The following IGFBP7 variants were observed in gnomAD, a reference collection of about 807,000 sequenced individuals.
The protein encoded by IGFBP7 is insulin-like growth factor-binding protein 7.
In IGFBP7, 31 loss-of-function variants were observed where a neutral mutation model predicts 29.4. That is an observed-to-expected ratio of 1.05 (90% CI 0.79 to 1.42). IGFBP7 has a LOEUF of 1.42. Among genes scored for constraint, IGFBP7 ranks in the 40% most tolerant of loss-of-function variants. IGFBP7 has a pLI of 0.00. For synonymous variants in IGFBP7, 172 were observed against 174.9 expected (o/e 0.98, Z 0.13); for missense variants, 393 against 395.5 (o/e 0.99, Z 0.05).
At chr4:57,092,601 A>G (rs1414936517) in intron 1 of IGFBP7, among the ~76,000 whole-genome samples, 2 of 151,726 alleles carry the variant, frequency 1.3e-5, no homozygotes, top group African/African-American at 4.8e-5. Context: ...TTTTTAGGAG[A>G]TAATGTGTCT....
At position 57,033,587 on chromosome 4, in the gene IGFBP7, T is replaced by A. The variant is rs186948743; in HGVS notation, c.586-276A>T. 1.9e-3 allele frequency among the ~76,000 whole-genome samples: 287 copies of A among 152,312 alleles called. 1 individual carries two copies. The highest frequency in any genetic ancestry group is 3.6e-3 in the Non-Finnish European group (243 of 68,042). ...CATGGTCATAATTTCCTGCCACTGG[T>A]CACCATCATTCATTCACTCATGCTC... is the stretch of plus-strand genomic sequence containing the variant. On this transcript the variant is annotated intron_variant, in intron 2 of 4. Transcript: ENST00000295666.
rs547266725 is a variant in IGFBP7, at chr4:57,051,942, C to T, written c.476-11009G>A. Among the ~76,000 whole-genome samples the T allele has an allele frequency of 2.6e-4, 40 of 152,210 alleles. 1 individual carries two copies. In the South Asian group the frequency reaches 5.2e-3, roughly 20 times the overall value. On this transcript the variant is annotated intron_variant, in intron 1 of 4. Transcript: ENST00000295666. ...ACCTGCCTGAGGAGAGGCAGGAAAA[C>T]GCTGGCCTGCCTTGAATAGTGAGCA...
At chr4:57,093,417 T>C (rs1046294119) in intron 1 of IGFBP7, among the ~76,000 whole-genome samples, 4 of 151,910 alleles carry the variant, frequency 2.6e-5, no homozygotes, top group African/African-American at 9.7e-5. Flanking sequence ...GGAGAATCGC[T>C]TGAACCTGGG....
At chr4:57,069,973 C>T (rs1725016927) in intron 1 of IGFBP7, among the ~76,000 whole-genome samples, 1 of 152,012 alleles carries the variant, frequency 6.6e-6, no homozygotes, top group African/African-American at 2.4e-5. Flanking sequence ...CCCAGCTACT[C>T]GGGAGGCTGA....
intron 2 of IGFBP7, among the ~76,000 whole-genome samples, chr4:57,035,424 G>A (rs34998461): frequency 0.078 from 11,904 of 152,010 alleles, 560 homozygotes; most frequent in Non-Finnish European, 0.1. Flanking sequence ...TCCCTTATTC[G>A]TGTAAGGGGA....
chr4:57,081,657 C>T (rs967243737), intron 1 of IGFBP7, among the ~76,000 whole-genome samples: 2 of 151,974 alleles, frequency 1.3e-5, no homozygotes, highest in African/African-American at 4.8e-5. Context: ...AGAAGCTGAG[C>T]AAGGACCTTG....
At chr4:57,037,382 GT>G (rs5858408) in intron 2 of IGFBP7, among the ~76,000 whole-genome samples, 3 of 148,822 alleles carry the variant, frequency 2.0e-5, no homozygotes, top group Admixed American at 6.7e-5. Flanking sequence ...GGGTTTTTTG[GT>G]TTTTTTTTTC....
At chr4:57,032,597 C>G (rs747481241) in intron 3 of IGFBP7, 45 bp from the exon 4 acceptor site, 2 of 1,473,328 alleles carry the variant, frequency 1.4e-6, no homozygotes, top group Non-Finnish European at 1.9e-6. Context: ...GTGGTCTTCT[C>G]TTTTGTCAGT....
Position 57,033,165 on chromosome 4 carries a change from C to T in IGFBP7, c.702+30G>A, listed in dbSNP as rs373045955. The T allele has an allele frequency of 1.1e-5, 16 of 1,449,336 alleles. No homozygotes were observed. The African/African-American group carries it at 2.2e-4, about 20-fold the overall frequency. 89.8% of individuals were successfully genotyped at this position (1,449,336 alleles called of 1,614,324 possible). ...CTTATGTCTAATGCTAAGAATGAAA[C>T]TCTTGCCAGCTCTTGGTACTGGTAC... is the stretch of plus-strand genomic sequence containing the variant. On this transcript the variant is annotated intron_variant, in intron 3 of 4. Coordinates refer to ENST00000295666, the MANE Select transcript of IGFBP7 (RefSeq NM_001553.3).
At chr4:57,068,063 C>G (rs761834684) in intron 1 of IGFBP7, among the ~76,000 whole-genome samples, 1 of 152,184 alleles carries the variant, frequency 6.6e-6, no homozygotes, top group South Asian at 2.1e-4. Flanking sequence ...AGTGGTGGCT[C>G]ATGCCGTAGT....
At chr4:57,081,203 G>A (rs1157566818) in intron 1 of IGFBP7, among the ~76,000 whole-genome samples, 2 of 152,082 alleles carry the variant, frequency 1.3e-5, no homozygotes, top group Non-Finnish European at 2.9e-5. Flanking sequence ...TGATCCTAAT[G>A]TTAGTTTTAA....
At chr4:57,068,286 A>C (rs1311798984) in intron 1 of IGFBP7, among the ~76,000 whole-genome samples, 2 of 130,840 alleles carry the variant, frequency 1.5e-5, no homozygotes, top group Non-Finnish European at 3.2e-5. Context: ...ACCCTGTCTC[A>C]AAAAAAAAAA....
intron 1 of IGFBP7, among the ~76,000 whole-genome samples, chr4:57,043,547 C>G (rs1231231249): frequency 2.0e-5 from 3 of 152,172 alleles, no homozygotes; most frequent in Non-Finnish European, 4.4e-5. Flanking sequence ...CCCCAGTGTG[C>G]AAGATTTTCC....
In IGFBP7 at chr4:57,042,905, T is replaced by C. The variant is rs567257321; in HGVS notation, c.476-1972A>G. On this transcript the variant is annotated intron_variant, in intron 1 of 4. Coordinates refer to ENST00000295666, the MANE Select transcript of IGFBP7 (RefSeq NM_001553.3). ...AGACTGATGCCTAAATAAGACATTA[T>C]GGGAAAGTCTCAGGACTTCAATCCT... Among the ~76,000 whole-genome samples the C allele has an allele frequency of 1.7e-4, 26 of 152,336 alleles. 1 individual carries two copies. In the South Asian group the frequency reaches 5.4e-3, roughly 32 times the overall value.
chr4:57,049,512 A>G (rs757542854), intron 1 of IGFBP7, among the ~76,000 whole-genome samples: 1 of 152,008 alleles, frequency 6.6e-6, no homozygotes, highest in Non-Finnish European at 1.5e-5. Flanking sequence ...GCCCTTACCT[A>G]CTTGGAATAT....
intron 2 of IGFBP7, 28 bp from the exon 3 acceptor site, chr4:57,033,339 G>C: frequency 6.9e-7 from 1 of 1,450,018 alleles, no homozygotes; most frequent in Non-Finnish European, 9.7e-7. Flanking sequence ...GAGTAATACT[G>C]AGTTTTGTAC....
chr4:57,037,959 T>C (rs1181871976), intron 2 of IGFBP7, among the ~76,000 whole-genome samples: 1 of 152,206 alleles, frequency 6.6e-6, no homozygotes, highest in Non-Finnish European at 1.5e-5. Context: ...ACGGACTGCA[T>C]TTCTGCTCTT....
At chr4:57,081,228 C>T (rs11573048) in intron 1 of IGFBP7, among the ~76,000 whole-genome samples, 7,444 of 152,188 alleles carry the variant, frequency 0.049, 205 homozygotes, top group African/African-American at 0.062. Context: ...GCTTGGTAAT[C>T]ACTTTGGAAT....
At chr4:57,034,004 C>G (rs935594830) in intron 2 of IGFBP7, among the ~76,000 whole-genome samples, 1 of 145,116 alleles carries the variant, frequency 6.9e-6, no homozygotes, top group African/African-American at 2.5e-5. Context: ...GAGCTGAGAT[C>G]GCGCCACTGC....
Sources: gnomAD v4.1 joint callset for allele counts (sites outside exome capture counted in the v4.1 genomes callset) on GRCh38, gnomAD v4.1.1 for gene constraint, MANE v1.5 for transcripts, NCBI Gene and HGNC (gene_info 2026-07-23, HGNC 2026-07-21) for gene names.